MDGA2: variants seen among roughly 807,000 people sequenced by gnomAD.
MDGA2 encodes the protein MAM domain containing glycosylphosphatidylinositol anchor 2.
A neutral mutation model predicts 117.8 loss-of-function variants in MDGA2; 40 were observed. The ratio of observed to expected loss-of-function variants is 0.34; its 90% CI spans 0.26 to 0.44. MDGA2 has a LOEUF of 0.44. MDGA2 is among the 20% of genes least tolerant of loss of function. The pLI, the probability that MDGA2 is intolerant of heterozygous loss-of-function variation, is 1.00. For missense variants in MDGA2, 1,123 were observed against 1,250.6 expected (o/e 0.90, Z 1.54); for synonymous variants, 452 against 439.0 (o/e 1.03, Z -0.37).
chr14:47,141,813 T>C (rs566687661), intron 4 of MDGA2, among the ~76,000 whole-genome samples: 3 of 152,284 alleles, frequency 2.0e-5, no homozygotes, highest in African/African-American at 7.2e-5. Context: ...GCAGAATAAG[T>C]TGACTATTTA....
At chr14:47,585,337 G>C (rs1896304114) in intron 1 of MDGA2, among the ~76,000 whole-genome samples, 1 of 151,728 alleles carries the variant, frequency 6.6e-6, no homozygotes, top group East Asian at 1.9e-4. Context: ...GAATAATGAT[G>C]GGTTACCACA....
chr14:46,855,213 C>T lies in MDGA2; in HGVS notation c.2753-59G>A. On this transcript the variant is annotated intron_variant, in intron 14 of 16. Coordinates refer to ENST00000399232, the MANE Select transcript of MDGA2 (RefSeq NM_001113498.3). This position sits in a 1 kb window ranked among gnomAD's most constrained non-coding sequence, Gnocchi z 4.1. Reference sequence around the variant, plus strand: ...TCATTTTCACCTCAAATTTGTTTTTCCTTGACCAAACACTTGTAAACTTTT... The same window carrying T: ...TCATTTTCACCTCAAATTTGTTTTTTCTTGACCAAACACTTGTAAACTTTT... The T allele has an allele frequency of 6.7e-7, 1 of 1,491,978 alleles. No individual in the cohort carries two copies. Among genetic ancestry groups the T allele is most frequent in the African/African-American group, 1.4e-5 (1 of 71,058 alleles). 92.4% of individuals were successfully genotyped at this position (1,491,978 alleles called of 1,614,324 possible). A position where few individuals can be genotyped will look rare whatever the true frequency, so the allele number is the denominator to read the frequency against.
intron 5 of MDGA2, among the ~76,000 whole-genome samples, chr14:47,105,949 G>C (rs57559105): frequency 0.18 from 21,155 of 119,078 alleles, 1,533 homozygotes; most frequent in Admixed American, 0.26. Flanking sequence ...CACCTGGTCC[G>C]GCTTACAGTT....
chr14:46,860,581 T>C (rs996215504), intron 14 of MDGA2, among the ~76,000 whole-genome samples: 15 of 152,000 alleles, frequency 9.9e-5, no homozygotes, highest in Admixed American at 5.2e-4. Context: ...CCTTCTATCA[T>C]TTTTCCTCTT....
chr14:47,105,261 T>G (rs1001492420), intron 5 of MDGA2, among the ~76,000 whole-genome samples: 4 of 152,014 alleles, frequency 2.6e-5, no homozygotes, highest in Non-Finnish European at 5.9e-5. Flanking sequence ...CCCCAACCTC[T>G]TATCTCTGTG....
chr14:47,018,067 T>C (rs1314999213), intron 8 of MDGA2, among the ~76,000 whole-genome samples: 2 of 152,082 alleles, frequency 1.3e-5, no homozygotes, highest in Non-Finnish European at 2.9e-5. Context: ...TAAAGAGAAG[T>C]AAAAAGTGTA....
intron 1 of MDGA2, among the ~76,000 whole-genome samples, chr14:47,367,658 A>G (rs1891259262): frequency 6.6e-6 from 1 of 151,680 alleles, no homozygotes; most frequent in Admixed American, 6.6e-5. Flanking sequence ...TTCTTCCACA[A>G]TTTGCCAAAA....
In MDGA2 at chr14:47,674,674, T is replaced by C; in HGVS notation, c.123A>G (p.Arg41=). The C allele has an allele frequency of 7.6e-7, 1 of 1,316,490 alleles. No homozygotes were observed. The highest frequency in any genetic ancestry group is 1.1e-6 in the Non-Finnish European group (1 of 934,178). 81.6% of individuals were successfully genotyped at this position (1,316,490 alleles called of 1,614,324 possible). The stretch of plus-strand genomic sequence containing the variant: ...CGGCGGCCAGCCAGGCGCGCTCCAC[T>C]CGCGCCCGGGCCAAGCCGAGGTGCC... ...VPGHLGLARA[R]VERAWLAAGL... Residue 41 remains arginine (R), a synonymous_variant, in exon 1 of 17, where the codon CGA becomes CGG. Transcript: ENST00000399232.
intron 1 of MDGA2, among the ~76,000 whole-genome samples, chr14:47,561,179 G>T (rs2416094): frequency 0.38 from 23,779 of 62,846 alleles, 5,346 homozygotes; most frequent in East Asian, 0.85. Flanking sequence ...TTGTTTGTTT[G>T]TTTTTTTTTG....
At chr14:47,421,521 G>A (rs915080496) in intron 1 of MDGA2, among the ~76,000 whole-genome samples, 12 of 152,002 alleles carry the variant, frequency 7.9e-5, no homozygotes, top group African/African-American at 2.4e-4. Context: ...AAGCAAAATC[G>A]TGCTGCAAAT....
chr14:47,611,509 G>A (rs867621061), intron 1 of MDGA2, among the ~76,000 whole-genome samples: 18 of 151,686 alleles, frequency 1.2e-4, no homozygotes, highest in Middle Eastern at 6.8e-3. Context: ...AAAAAAATCA[G>A]CAAAAAAACA....
intron 1 of MDGA2, among the ~76,000 whole-genome samples, chr14:47,494,560 G>T (rs1894239095): frequency 6.6e-6 from 1 of 152,008 alleles, no homozygotes; most frequent in Admixed American, 6.6e-5. Context: ...TGTTTTTGTT[G>T]CATTTTCTTT....
intron 1 of MDGA2, among the ~76,000 whole-genome samples, chr14:47,593,122 A>T (rs1332569837): frequency 6.6e-6 from 1 of 152,230 alleles, no homozygotes; most frequent in East Asian, 1.9e-4. Flanking sequence ...CAACAAACAC[A>T]TGAATAAAAG....
intron 1 of MDGA2, among the ~76,000 whole-genome samples, chr14:47,492,484 A>G (rs952155059): frequency 6.6e-6 from 1 of 152,134 alleles, no homozygotes; most frequent in African/African-American, 2.4e-5. Flanking sequence ...GTGTGGATAT[A>G]CATATAGATA....
chr14:47,664,875 A>G (rs924612771), intron 1 of MDGA2, among the ~76,000 whole-genome samples: 1 of 152,220 alleles, frequency 6.6e-6, no homozygotes, highest in African/African-American at 2.4e-5. Flanking sequence ...AACTTTAGAG[A>G]TAACTGTCCT....
intron 5 of MDGA2, among the ~76,000 whole-genome samples, chr14:47,111,673 A>G (rs573317298): frequency 6.6e-6 from 1 of 152,160 alleles, no homozygotes; most frequent in South Asian, 2.1e-4. Flanking sequence ...AGAATCTAAG[A>G]GGTAACGAGG....
At chr14:47,323,633 AAAAAC>A (rs55906303) in intron 1 of MDGA2, among the ~76,000 whole-genome samples, 1 of 151,356 alleles carries the variant, frequency 6.6e-6, no homozygotes, top group African/African-American at 2.4e-5. Flanking sequence ...CTCCATCTCA[AAAAAC>A]AAAACAAAAC....
intron 3 of MDGA2, among the ~76,000 whole-genome samples, chr14:47,160,385 A>G (rs896464901): frequency 2.0e-5 from 3 of 152,128 alleles, no homozygotes; most frequent in African/African-American, 7.2e-5. Flanking sequence ...TTTCTTTTAC[A>G]AACAAACAAA....
At chr14:47,289,519 C>T (rs966428795) in intron 2 of MDGA2, among the ~76,000 whole-genome samples, 90 of 152,014 alleles carry the variant, frequency 5.9e-4, no homozygotes, top group Admixed American at 9.8e-4. Context: ...TTAAATAATA[C>T]ATTTCTGAAC....
Sources: allele counts gnomAD v4.1 joint callset (sites outside exome capture counted in the v4.1 genomes callset), GRCh38; gene constraint gnomAD v4.1.1; non-coding constraint Gnocchi (gnomAD v3.1); transcripts MANE v1.5; gene names NCBI Gene and HGNC (gene_info 2026-07-23, HGNC 2026-07-21).